ROBO2: variants seen among roughly 807,000 people sequenced by gnomAD.
ROBO2 encodes roundabout homolog 2.
A neutral mutation model predicts 160.8 loss-of-function variants in ROBO2; 53 were observed. That is an observed-to-expected ratio of 0.33 (90% CI 0.26 to 0.41). The LOEUF is 0.41. ROBO2 is among the 10% of genes least tolerant of loss of function. ROBO2 has a pLI of 1.00. For missense variants in ROBO2, 1,577 were observed against 1,722.4 expected, an observed-to-expected ratio of 0.92 and a Z score of 1.49; for synonymous variants, 664 against 611.7, an observed-to-expected ratio of 1.09 and a Z score of -1.26.
chr3:77,093,779 A>T (rs919851006), intron 1 of ROBO2, among the ~76,000 whole-genome samples: 1 of 151,766 alleles, frequency 6.6e-6, no homozygotes, highest in Non-Finnish European at 1.5e-5. Context: ...TCTCTCTCTA[A>T]TCTATCTATC....
At position 76,951,510 on chromosome 3, in the gene ROBO2, G is replaced by A. The variant is rs1016598264; in HGVS notation, c.110-146504G>A. ...GTAACAAAAGTGAACTCAAAGTTAT[G>A]GTGTATGTGTGTGTTTATTTATAGA... On this transcript the variant is annotated intron_variant, in intron 2 of 26. Coordinates refer to the ROBO2 transcript ENST00000487694. 5.3e-5 allele frequency among the ~76,000 whole-genome samples: 8 copies of A among 152,092 alleles called. No homozygotes were observed. In the South Asian group the frequency reaches 6.2e-4, roughly 12 times the overall value.
At chr3:77,376,644 A>G (rs779995830) in intron 2 of ROBO2, among the ~76,000 whole-genome samples, 4 of 152,064 alleles carry the variant, frequency 2.6e-5, no homozygotes, top group Admixed American at 6.6e-5. Flanking sequence ...CTTCTTGTAT[A>G]TGCTTAGAAA....
chr3:77,008,061 TA>T (rs2061675028), intron 2 of ROBO2, among the ~76,000 whole-genome samples: 9 of 152,038 alleles, frequency 5.9e-5, no homozygotes, highest in Admixed American at 3.9e-4. Flanking sequence ...CAGGGAACTT[TA>T]GATACTATCA....
At chr3:76,925,856 C>T (rs2149022712) in intron 2 of ROBO2, among the ~76,000 whole-genome samples, 1 of 152,290 alleles carries the variant, frequency 6.6e-6, no homozygotes, top group East Asian at 1.9e-4. Context: ...CTATGTTTCA[C>T]ACACTCCTAT....
intron 2 of ROBO2, among the ~76,000 whole-genome samples, chr3:76,055,446 A>G (rs1419125272): frequency 6.6e-6 from 1 of 152,200 alleles, no homozygotes; most frequent in African/African-American, 2.4e-5. Flanking sequence ...TGTCACCCAA[A>G]TAGTGAACAT....
At chr3:77,247,974 C>A (rs1307715189) in intron 2 of ROBO2, among the ~76,000 whole-genome samples, 5 of 152,132 alleles carry the variant, frequency 3.3e-5, no homozygotes, top group African/African-American at 9.7e-5. Flanking sequence ...TTTTCCTGCT[C>A]GAATGTTGCC....
chr3:76,307,595 C>T (rs2071390097), intron 2 of ROBO2, among the ~76,000 whole-genome samples: 1 of 151,768 alleles, frequency 6.6e-6, no homozygotes, highest in African/African-American at 2.4e-5. Flanking sequence ...CCACAACTAC[C>T]CCAAAATCCC....
At chr3:76,169,905 C>T (rs760687919) in intron 2 of ROBO2, among the ~76,000 whole-genome samples, 32 of 152,044 alleles carry the variant, frequency 2.1e-4, no homozygotes, top group Admixed American at 1.3e-3. Context: ...CTCAGCCTCC[C>T]GAGTAGCTGG....
chr3:76,625,477 A>G (rs1247874772), intron 2 of ROBO2, among the ~76,000 whole-genome samples: 1 of 152,212 alleles, frequency 6.6e-6, no homozygotes, highest in Non-Finnish European at 1.5e-5. Flanking sequence ...AAATAAGCAA[A>G]TAATCAAGGA....
chr3:76,910,073 G>T (rs1448700236), intron 2 of ROBO2, among the ~76,000 whole-genome samples: 1 of 152,108 alleles, frequency 6.6e-6, no homozygotes, highest in Non-Finnish European at 1.5e-5. Flanking sequence ...TGTAACTACT[G>T]CTGCTGTTAC....
intron 2 of ROBO2, among the ~76,000 whole-genome samples, chr3:76,070,207 G>C (rs541289690): frequency 6.6e-6 from 1 of 152,328 alleles, no homozygotes; most frequent in East Asian, 1.9e-4. Context: ...TGGTGAGCCG[G>C]GCGGAACAGA....
intron 2 of ROBO2, among the ~76,000 whole-genome samples, chr3:76,233,118 G>A (rs574141515): frequency 1.3e-5 from 2 of 151,450 alleles, no homozygotes; most frequent in East Asian, 3.9e-4. Context: ...TCAATTCAAA[G>A]TTTACTGCCA....
chr3:76,733,321 C>T (rs1287263147), intron 2 of ROBO2, among the ~76,000 whole-genome samples: 1 of 152,162 alleles, frequency 6.6e-6, no homozygotes, highest in Non-Finnish European at 1.5e-5. Context: ...TTACCATTTC[C>T]CTATGACTCT....
At chr3:76,597,582 A>G (rs139135257) in intron 2 of ROBO2, among the ~76,000 whole-genome samples, 8 of 152,262 alleles carry the variant, frequency 5.3e-5, no homozygotes, top group Non-Finnish European at 4.4e-5. Context: ...ATAATAGCTA[A>G]AATAAAAAAA....
At chr3:75,928,084 A>C (rs1947363297) in intron 1 of ROBO2, among the ~76,000 whole-genome samples, 2 of 143,308 alleles carry the variant, frequency 1.4e-5, no homozygotes, top group South Asian at 4.3e-4. Flanking sequence ...TCCCGGGTTC[A>C]CGCCATTCTC....
chr3:76,542,991 C>T (rs887171380), intron 2 of ROBO2, among the ~76,000 whole-genome samples: 2 of 152,072 alleles, frequency 1.3e-5, no homozygotes, highest in Admixed American at 6.6e-5. Context: ...TCTCCTTTGC[C>T]GTCTTCTCTT....
intron 2 of ROBO2, among the ~76,000 whole-genome samples, chr3:76,664,558 T>C (rs894743931): frequency 2.6e-5 from 4 of 152,264 alleles, no homozygotes; most frequent in Middle Eastern, 3.4e-3. Context: ...TAGAGATAAA[T>C]ATGCAAAACT....
chr3:77,192,406 C>G (rs58125953), intron 2 of ROBO2, among the ~76,000 whole-genome samples: 5 of 152,174 alleles, frequency 3.3e-5, no homozygotes, highest in Admixed American at 2.0e-4. Flanking sequence ...TTCTTAGGAC[C>G]AATTCCTATA....
In ROBO2 at chr3:76,348,691, C is replaced by T. The variant is rs188439618; in HGVS notation, c.109+411089C>T. Among the ~76,000 whole-genome samples the T allele has an allele frequency of 1.2e-3, 182 of 152,192 alleles. 1 individual carries two copies. Among genetic ancestry groups the T allele is most frequent in the African/African-American group, 4.2e-3 (174 of 41,570 alleles). On this transcript the variant is annotated intron_variant, in intron 2 of 26. Transcript: ENST00000487694. ...TACAACCAATTATGTGCTATATCTGCTTCTCCATCTCCCCTTCCTCCTTTC... is the reference window on the plus strand; with the variant it reads ...TACAACCAATTATGTGCTATATCTGTTTCTCCATCTCCCCTTCCTCCTTTC...
Sources: allele counts gnomAD v4.1 joint callset (sites outside exome capture counted in the v4.1 genomes callset), GRCh38; gene constraint gnomAD v4.1.1; transcripts MANE v1.5; gene names NCBI Gene and HGNC (gene_info 2026-07-23, HGNC 2026-07-21).